Variants in PRKCE observed in about 807,000 individuals in gnomAD.
PRKCE encodes protein kinase C epsilon type.
PRKCE carries 16 observed loss-of-function variants against 85.4 expected under a neutral mutation model. The ratio of observed to expected loss-of-function variants is 0.19; its 90% confidence interval spans 0.13 to 0.28. The LOEUF (loss-of-function observed/expected upper bound fraction) is 0.28. Ranked by LOEUF, PRKCE falls within the 10% of genes least tolerant of loss-of-function variation. The pLI, the probability that PRKCE is intolerant of heterozygous loss-of-function variation, is 1.00. For missense variants in PRKCE, 573 were observed against 975.2 expected, an observed-to-expected ratio of 0.59 and a Z score of 5.49; for synonymous variants, 388 against 371.5, an observed-to-expected ratio of 1.04 and a Z score of -0.51.
intron 2 of PRKCE, among the ~76,000 whole-genome samples, chr2:45,861,080 G>T (rs1269684568): frequency 1.3e-5 from 2 of 152,164 alleles, no homozygotes; most frequent in Non-Finnish European, 2.9e-5. Flanking sequence ...CGAGAATTTG[G>T]CTTTTCAGGA....
In PRKCE at chr2:45,785,922, G is replaced by T. The variant is rs568451390; in HGVS notation, c.349-57078G>T. Reference sequence around the variant, plus strand: ...GTTGGAGTAAGATGGAGACAGCAGGGATGGCTCGTTGCCTTGAAACCTCTC... The same window carrying T: ...GTTGGAGTAAGATGGAGACAGCAGGTATGGCTCGTTGCCTTGAAACCTCTC... On this transcript the variant is annotated intron_variant, in intron 1 of 14. Transcript: ENST00000306156. Among the ~76,000 whole-genome samples the T allele has an allele frequency of 2.5e-4, 38 of 152,302 alleles. No homozygotes were observed. The South Asian group carries it at 5.6e-3, about 22-fold the overall frequency.
chr2:45,653,530 G>T (rs915665672), intron 1 of PRKCE, among the ~76,000 whole-genome samples: 3 of 152,122 alleles, frequency 2.0e-5, no homozygotes, highest in African/African-American at 7.2e-5. Flanking sequence ...CACAAAAAGT[G>T]AGAGAGCTAT....
At chr2:45,863,717 G>C (rs148561622) in intron 2 of PRKCE, among the ~76,000 whole-genome samples, 66 of 152,186 alleles carry the variant, frequency 4.3e-4, no homozygotes, top group African/African-American at 1.5e-3. Flanking sequence ...AGCTCTTCCT[G>C]GCTCGGAATA....
chr2:46,040,707 G>A (rs1253855546), intron 10 of PRKCE, among the ~76,000 whole-genome samples: 1 of 152,144 alleles, frequency 6.6e-6, no homozygotes, highest in Non-Finnish European at 1.5e-5. Context: ...AGTAAAACTA[G>A]AAAGAATTGG....
intron 11 of PRKCE, among the ~76,000 whole-genome samples, chr2:46,097,413 G>T (rs1402049693): frequency 6.6e-6 from 1 of 151,922 alleles, no homozygotes; most frequent in African/African-American, 2.4e-5. Context: ...CCAGCTACTC[G>T]GGAGGCTGAG....
chr2:45,801,092 G>A (rs1687829382), intron 1 of PRKCE, among the ~76,000 whole-genome samples: 1 of 152,186 alleles, frequency 6.6e-6, no homozygotes, highest in Admixed American at 6.5e-5. Flanking sequence ...CAGCACTGGA[G>A]TGTTCTCGGG....
chr2:45,819,703 G>A (rs540045152), intron 1 of PRKCE, among the ~76,000 whole-genome samples: 19 of 152,330 alleles, frequency 1.2e-4, no homozygotes, highest in Admixed American at 1.0e-3. Context: ...AAGCTGTGGT[G>A]TGAAACTGTT....
chr2:46,030,031 G>T (rs1255206249), intron 10 of PRKCE, among the ~76,000 whole-genome samples: 1 of 152,108 alleles, frequency 6.6e-6, no homozygotes, highest in East Asian at 1.9e-4. Flanking sequence ...AAACCCATTA[G>T]AAAGTTAAGC....
chr2:46,000,510 G>A (rs535170734), intron 6 of PRKCE, among the ~76,000 whole-genome samples: 8 of 151,212 alleles, frequency 5.3e-5, no homozygotes, highest in South Asian at 2.1e-4. Flanking sequence ...CCTAAGAGAA[G>A]CCCTCGTTAA....
intron 10 of PRKCE, among the ~76,000 whole-genome samples, chr2:46,065,356 T>A (rs1667541155): frequency 6.6e-6 from 1 of 152,156 alleles, no homozygotes; most frequent in African/African-American, 2.4e-5. Context: ...TAGTTTCTAA[T>A]ATTCTCTTAA....
intron 2 of PRKCE, among the ~76,000 whole-genome samples, chr2:45,859,377 C>T (rs952113065): frequency 4.6e-5 from 7 of 152,126 alleles, no homozygotes; most frequent in African/African-American, 7.2e-5. Flanking sequence ...CGTGCACATT[C>T]GGCTTTGCTA....
intron 10 of PRKCE, among the ~76,000 whole-genome samples, chr2:46,050,566 T>C (rs1206050515): frequency 6.6e-6 from 1 of 152,222 alleles, no homozygotes; most frequent in Non-Finnish European, 1.5e-5. Flanking sequence ...TTATAAAATA[T>C]TAGCTGTGAC....
intron 1 of PRKCE, among the ~76,000 whole-genome samples, chr2:45,797,331 C>G (rs1687518015): frequency 6.6e-6 from 1 of 152,164 alleles, no homozygotes; most frequent in Non-Finnish European, 1.5e-5. Context: ...CACGCATGTC[C>G]TTGTCCTTAC....
At chr2:46,061,087 T>TGTC in intron 10 of PRKCE, among the ~76,000 whole-genome samples, 1 of 150,352 alleles carries the variant, frequency 6.7e-6, no homozygotes, top group African/African-American at 2.5e-5. Flanking sequence ...AATGATTTTC[T>TGTC]TTTCTTCTTT....
intron 13 of PRKCE, 51 bp downstream of exon 13, chr2:46,151,280 TACACACACACAC>T (rs35676949): frequency 1.1e-3 from 626 of 558,912 alleles, no homozygotes; most frequent in African/African-American, 2.8e-3. Flanking sequence ...CTCCTCCCCC[TACACACACACAC>T]ACACACACAC....
intron 2 of PRKCE, among the ~76,000 whole-genome samples, chr2:45,955,138 C>T (rs544013607): frequency 6.6e-5 from 10 of 152,164 alleles, no homozygotes; most frequent in African/African-American, 2.4e-4. Context: ...ATATCCAATT[C>T]AATAGTAAAG....
chr2:46,000,787 C>CTGCTTCAGTACAGA (rs1239363985), intron 6 of PRKCE: 2 of 152,236 alleles, frequency 1.3e-5, no homozygotes, highest in African/African-American at 4.8e-5. Context: ...AGCATTGTTC[C>CTGCTTCAGTACAGA]TACAGAGGTT....
At chr2:45,759,964 C>T (rs1194505127) in intron 1 of PRKCE, among the ~76,000 whole-genome samples, 1 of 152,094 alleles carries the variant, frequency 6.6e-6, no homozygotes, top group African/African-American at 2.4e-5. Flanking sequence ...TGGGAGCAGC[C>T]CTTGAGTCTT....
At chr2:46,071,618 A>T (rs891778742) in intron 10 of PRKCE, among the ~76,000 whole-genome samples, 5 of 152,186 alleles carry the variant, frequency 3.3e-5, no homozygotes. Flanking sequence ...AAACTTTAAA[A>T]ACGTCCATGG....
Sources: allele counts gnomAD v4.1 joint callset (sites outside exome capture counted in the v4.1 genomes callset), GRCh38; gene constraint gnomAD v4.1.1; transcripts MANE v1.5; gene names NCBI Gene and HGNC (gene_info 2026-07-23, HGNC 2026-07-21).